The following IRAK1BP1 variants were observed in gnomAD, a reference collection of about 807,000 sequenced individuals.
The protein encoded by IRAK1BP1 is interleukin 1 receptor associated kinase 1 binding protein 1.
A neutral mutation model predicts 28.0 loss-of-function variants in IRAK1BP1; 24 were observed. The observed-to-expected ratio is 0.86, with a 90% CI of 0.62 to 1.20. IRAK1BP1 has a LOEUF of 1.20. IRAK1BP1 is among the 50% of genes most tolerant of loss of function. The probability of loss-of-function intolerance (pLI) is 0.00; values close to 1 mark genes in which losing one functional copy is unlikely to be tolerated. For synonymous variants in IRAK1BP1, 131 were observed against 116.3 expected, an observed-to-expected ratio of 1.13 and a Z score of -0.81; for missense variants, 336 against 316.7, an observed-to-expected ratio of 1.06 and a Z score of -0.46.
intron 1 of IRAK1BP1, among the ~76,000 whole-genome samples, chr6:78,873,254 CAAAAAAAAAAAAA>C (rs35962544): frequency 2.4e-5 from 1 of 41,106 alleles, no homozygotes; most frequent in Non-Finnish European, 4.0e-5. Flanking sequence ...AACTCTGTCT[CAAAAAAAAAAAAA>C]AAAAAAAAAA....
At chr6:78,886,298 C>T (rs999441025) in intron 2 of IRAK1BP1, among the ~76,000 whole-genome samples, 2 of 152,060 alleles carry the variant, frequency 1.3e-5, no homozygotes, top group Admixed American at 6.5e-5. Flanking sequence ...GAAATTAGAA[C>T]CCTGGATTCT....
At position 78,898,535 on chromosome 6, in the gene IRAK1BP1, A is replaced by G. The variant is rs1242681023; in HGVS notation, c.*201A>G. ...CTTATGTTCACTTTCTATTTTTAAA[A>G]GACTACTCTGAAAAACACTCTTGGA... On this transcript the variant is annotated 3_prime_UTR_variant, in exon 4 of 4. Transcript: ENST00000369940. 1.3e-5 allele frequency: 2 copies of G among 151,736 alleles called. No homozygotes were observed. The highest frequency in any genetic ancestry group is 2.5e-5 in the African/African-American group (1 of 40,660). The allele number at this position is 151,736 out of a possible 1,614,324, so 9.4% of individuals were successfully genotyped here.
At chr6:78,963,166 A>G in the IRAK1BP1 span, 1 of 1,611,604 alleles carries the variant, frequency 6.2e-7, no homozygotes, top group Non-Finnish European at 8.5e-7. Flanking sequence ...TTGGTACCCC[A>G]TTCTCCATCA....
At chr6:78,882,509 C>T (rs1293338356) in intron 1 of IRAK1BP1, among the ~76,000 whole-genome samples, 2 of 152,154 alleles carry the variant, frequency 1.3e-5, no homozygotes, top group Admixed American at 6.5e-5. Context: ...CATGTACTGC[C>T]TGATGTGTTG....
intron 4 of IRAK1BP1, among the ~76,000 whole-genome samples, chr6:78,909,560 A>C (rs532444285): frequency 6.6e-6 from 1 of 152,326 alleles, no homozygotes; most frequent in East Asian, 1.9e-4. Context: ...AGGGCATGAC[A>C]AATGCAGAAT....
At chr6:78,958,229 T>G in the IRAK1BP1 span, 1 of 320,802 alleles carries the variant, frequency 3.1e-6, no homozygotes, top group East Asian at 5.2e-5. Context: ...AATTTTAACC[T>G]TAAAACACAA....
chr6:78,891,705 G>A (rs887641717), intron 2 of IRAK1BP1, among the ~76,000 whole-genome samples: 1 of 152,066 alleles, frequency 6.6e-6, no homozygotes, highest in African/African-American at 2.4e-5. Flanking sequence ...CAGGCGATCC[G>A]CCTGCCTCTG....
At chr6:78,946,571 C>T, downstream of IRAK1BP1, 1 of 1,394,076 alleles carries the variant, frequency 7.2e-7, no homozygotes, top group Middle Eastern at 2.6e-4. Context: ...ATTAAAAATC[C>T]TCCACATCAT....
At position 78,898,218 on chromosome 6, in the gene IRAK1BP1, C is replaced by T. The variant is rs1771965891; in HGVS notation, c.667C>T (p.Leu223Phe). 2 of 1,613,350 alleles carry T rather than the reference C, an allele frequency of 1.2e-6. No homozygotes were observed. Among genetic ancestry groups the T allele is most frequent in the African/African-American group, 2.7e-5 (2 of 74,736 alleles). The change falls in exon 4 of 4, where the codon CTC becomes TTC. Residue 223 changes from leucine (L) to phenylalanine (F), a missense_variant. Transcript: ENST00000369940. ...GQIDDHQSSR[L>F]SSSLTVQQKI... ...AATAGATGATCACCAGTCATCCAGA[C>T]TCTCAAGTTCATTAACTGTACAACA...
chr6:78,886,389 A>T (rs1771434091), intron 2 of IRAK1BP1, among the ~76,000 whole-genome samples: 1 of 152,170 alleles, frequency 6.6e-6, no homozygotes, highest in African/African-American at 2.4e-5. Context: ...TTCTCCACTT[A>T]AAATTTTACT....
At chr6:78,923,145 C>G (rs1336397154) in intron 4 of IRAK1BP1, among the ~76,000 whole-genome samples, 1 of 152,060 alleles carries the variant, frequency 6.6e-6, no homozygotes, top group Non-Finnish European at 1.5e-5. Flanking sequence ...GATAAAGACT[C>G]AAGACCCATC....
At chr6:78,920,967 G>A (rs1443794921) in intron 4 of IRAK1BP1, among the ~76,000 whole-genome samples, 1 of 152,146 alleles carries the variant, frequency 6.6e-6, no homozygotes. Flanking sequence ...AGCCAAATAG[G>A]AACAGCTCCG....
At chr6:78,905,322 A>G (rs982315263), downstream of IRAK1BP1, among the ~76,000 whole-genome samples, 2 of 152,194 alleles carry the variant, frequency 1.3e-5, no homozygotes, top group South Asian at 2.1e-4. Context: ...CTAAATAACT[A>G]TGAGAATACA....
the IRAK1BP1 span, chr6:78,955,545 A>C: frequency 1.6e-6 from 1 of 619,356 alleles, no homozygotes; most frequent in South Asian, 2.1e-5. Flanking sequence ...TTTACCTGAA[A>C]ACTACAATAT....
the IRAK1BP1 span, among the ~76,000 whole-genome samples, chr6:78,961,102 G>A: frequency 4.6e-5 from 7 of 151,996 alleles, no homozygotes; most frequent in South Asian, 1.0e-3. Context: ...GCCTACTGAC[G>A]ATTAAAGACA....
the IRAK1BP1 span, among the ~76,000 whole-genome samples, chr6:78,968,464 T>C: frequency 6.6e-6 from 1 of 152,216 alleles, no homozygotes; most frequent in Non-Finnish European, 1.5e-5. Flanking sequence ...AATCCATGAA[T>C]ATGGAAGGGC....
downstream of IRAK1BP1, among the ~76,000 whole-genome samples, chr6:78,948,435 T>C (rs1041523187): frequency 6.6e-6 from 1 of 152,102 alleles, no homozygotes; most frequent in Non-Finnish European, 1.5e-5. Context: ...TATCATAATA[T>C]GGTATATAAT....
At chr6:78,896,853 C>G (rs1044928014) in intron 2 of IRAK1BP1, among the ~76,000 whole-genome samples, 2 of 151,228 alleles carry the variant, frequency 1.3e-5, no homozygotes, top group African/African-American at 4.9e-5. Context: ...TGATTAAAGA[C>G]AGATGTTCTG....
chr6:78,872,220 C>T (rs113298230), intron 1 of IRAK1BP1: 106 of 633,126 alleles, frequency 1.7e-4, no homozygotes, highest in African/African-American at 1.5e-3. Flanking sequence ...GACAACATAT[C>T]CTTTAGTGCC....
Sources: gnomAD v4.1 joint callset for allele counts (sites outside exome capture counted in the v4.1 genomes callset) on GRCh38, gnomAD v4.1.1 for gene constraint, MANE v1.5 for transcripts, NCBI Gene and HGNC (gene_info 2026-07-23, HGNC 2026-07-21) for gene names.